ZNF592: variants seen among roughly 807,000 people sequenced by gnomAD.
ZNF592 encodes zinc finger protein 592.
In ZNF592, 11 loss-of-function variants were observed where a neutral mutation model predicts 80.3. The ratio of observed to expected loss-of-function variants is 0.14; its 90% CI spans 0.09 to 0.23. The LOEUF (loss-of-function observed/expected upper bound fraction) is 0.23. ZNF592 is among the 10% of genes least tolerant of loss of function. The pLI is 1.00. For synonymous variants in ZNF592, 646 were observed against 640.3 expected, an observed-to-expected ratio of 1.01 and a Z score of -0.13; for missense variants, 1,420 against 1,633.9, an observed-to-expected ratio of 0.87 and a Z score of 2.26.
At chr15:84,781,477 T>A (rs138841695) in intron 3 of ZNF592, among the ~76,000 whole-genome samples, 1 of 152,118 alleles carries the variant, frequency 6.6e-6, no homozygotes, top group Non-Finnish European at 1.5e-5. Flanking sequence ...CTGTAACATA[T>A]ACTTTTGCAT....
At chr15:84,772,442 C>T (rs536032119) in intron 2 of ZNF592, among the ~76,000 whole-genome samples, 11 of 152,124 alleles carry the variant, frequency 7.2e-5, no homozygotes, top group Admixed American at 3.9e-4. Context: ...CCCAGCTACT[C>T]AGGAGCCTGA....
chr15:84,761,636 G>A (rs1294606339), intron 1 of ZNF592, among the ~76,000 whole-genome samples: 1 of 152,192 alleles, frequency 6.6e-6, no homozygotes, highest in East Asian at 1.9e-4. Flanking sequence ...GGGTCTGGGG[G>A]TAAGCAGGCA....
intron 5 of ZNF592, among the ~76,000 whole-genome samples, chr15:84,794,367 C>T (rs1382303604): frequency 6.6e-6 from 1 of 152,196 alleles, no homozygotes; most frequent in Non-Finnish European, 1.5e-5. Flanking sequence ...TTTCTGTACA[C>T]CCTTGCCAAC....
chr15:84,763,639 A>G (rs183136540), intron 1 of ZNF592, among the ~76,000 whole-genome samples: 67 of 152,336 alleles, frequency 4.4e-4, no homozygotes, highest in African/African-American at 1.4e-3. Context: ...TAGAATTGAG[A>G]TAATTAGTTT....
chr15:84,790,364 T>G (rs1250776204), intron 4 of ZNF592, among the ~76,000 whole-genome samples: 2 of 151,824 alleles, frequency 1.3e-5, no homozygotes, highest in African/African-American at 2.4e-5. Context: ...TGCAGTGAGG[T>G]CTTAGAATTC....
At chr15:84,789,073 A>G (rs762236139) in intron 4 of ZNF592, among the ~76,000 whole-genome samples, 4 of 151,478 alleles carry the variant, frequency 2.6e-5, no homozygotes, top group Non-Finnish European at 1.5e-5. Flanking sequence ...CAAAAAAAAC[A>G]AAACAGAAAA....
At position 84,802,488 on chromosome 15, in the gene ZNF592, G is replaced by A. The variant is rs1688083140; in HGVS notation, c.*95G>A. 6.9e-7 allele frequency: 1 copy of A among 1,447,658 alleles called. No individual in the cohort carries two copies. Among genetic ancestry groups the A allele is most frequent in the Admixed American group, 1.9e-5 (1 of 51,558 alleles). 89.7% of individuals were successfully genotyped at this position (1,447,658 alleles called of 1,614,324 possible). A position where few individuals can be genotyped will look rare whatever the true frequency, so the allele number is the denominator to read the frequency against. ...GAAAATAAAAGGCTCTGCCCCCAGT[G>A]TGAGTGTGACCGGTTGTACCCTGGA... On this transcript the variant is annotated 3_prime_UTR_variant, in exon 11 of 11. Transcript: ENST00000560079.
intron 1 of ZNF592, among the ~76,000 whole-genome samples, chr15:84,758,717 G>C (rs550542311): frequency 6.8e-6 from 1 of 147,862 alleles, no homozygotes; most frequent in Admixed American, 6.9e-5. Context: ...TTTGAGACTA[G>C]CCTAGGTAAC....
Position 84,802,205 on chromosome 15 carries a change from G to A in ZNF592, c.3616G>A (p.Gly1206Arg), listed in dbSNP as rs746432732. The A allele has an allele frequency of 1.6e-5, 25 of 1,600,128 alleles. No individual in the cohort carries two copies. The Admixed American group carries it at 1.9e-4, about 12-fold the overall frequency. The change falls in exon 11 of 11, where the codon GGG becomes AGG. Residue 1206 changes from glycine to arginine, a missense_variant. Coordinates refer to ENST00000560079, the MANE Select transcript of ZNF592 (RefSeq NM_014630.3). ...GGTGGCAGAGCCAGAGGAGGGCTCC[G>A]GGGAGGAGGTGCCCATGGAGACTAG... ...VEVAEPEEGS[G>R]EEVPMETREN...
intron 1 of ZNF592, among the ~76,000 whole-genome samples, chr15:84,755,824 G>T (rs1052850688): frequency 1.3e-5 from 2 of 152,222 alleles, no homozygotes; most frequent in East Asian, 3.9e-4. Flanking sequence ...TCACTCTCAG[G>T]GTAAGATGCT....
intron 1 of ZNF592, among the ~76,000 whole-genome samples, chr15:84,749,151 C>T (rs1434604762): frequency 1.3e-5 from 2 of 152,388 alleles, no homozygotes; most frequent in Non-Finnish European, 2.9e-5. Flanking sequence ...TACTCCCCTC[C>T]CCTGAGCCCA....
intron 4 of ZNF592, among the ~76,000 whole-genome samples, chr15:84,790,151 G>C (rs1256513118): frequency 6.9e-6 from 1 of 144,312 alleles, no homozygotes; most frequent in Non-Finnish European, 1.5e-5. Flanking sequence ...CAGGGCTAGA[G>C]CAATGGAAAC....
In ZNF592 at chr15:84,784,110, A is replaced by G. The variant is rs753367207; in HGVS notation, c.1435A>G (p.Thr479Ala). The change falls in exon 4 of 11, where the codon ACA becomes GCA. Residue 479 changes from threonine to alanine, a missense_variant. Physicochemically the swap from Thr to Ala is moderately conservative, Grantham distance 58. Transcript: ENST00000560079. The surrounding 1 kb of genome is among the most constrained non-coding windows in gnomAD (Gnocchi z 5.8). ...VPKGAAPGSQ[T>A]GKKQQSTALQ... The stretch of plus-strand genomic sequence containing the variant: ...AAAGGGGGCTGCCCCAGGCTCACAG[A>G]CAGGCAAGAAGCAACAGAGCACAGC... 6 of 1,614,160 alleles carry G rather than the reference A, an allele frequency of 3.7e-6. No individual in the cohort carries two copies. The South Asian group carries it at 6.6e-5, about 18-fold the overall frequency.
intron 2 of ZNF592, among the ~76,000 whole-genome samples, chr15:84,777,925 C>T (rs984588883): frequency 7.9e-5 from 12 of 151,982 alleles, no homozygotes; most frequent in African/African-American, 2.4e-4. Flanking sequence ...GTCTCCAACT[C>T]GTGACCTGGT....
Position 84,801,905 on chromosome 15 carries a change from C to G in ZNF592, c.3316C>G (p.Pro1106Ala). 2.5e-6 allele frequency: 4 copies of G among 1,613,886 alleles called. No individual in the cohort carries two copies. Among genetic ancestry groups the G allele is most frequent in the Non-Finnish European group, 3.4e-6 (4 of 1,179,852 alleles). The change falls in exon 11 of 11, where the codon CCA (proline) becomes GCA (alanine). Residue 1106 changes from proline to alanine, a missense_variant. Transcript: ENST00000560079. ...ACCAGTCAGTGGAGTGGGGGACGCT[C>G]CAGGCACCAGCAATGGCGCAACTGT... ...KRPVSGVGDA[P>A]GTSNGATVSS...
At chr15:84,796,265 T>TATATATATA (rs1396711040) in intron 5 of ZNF592, among the ~76,000 whole-genome samples, 27 of 43,636 alleles carry the variant, frequency 6.2e-4, no homozygotes, top group South Asian at 1.3e-3. Context: ...TATATATATA[T>TATATATATA]TTTATATATA....
chr15:84,791,549 A>C (rs1371250514), intron 5 of ZNF592, among the ~76,000 whole-genome samples: 1 of 152,030 alleles, frequency 6.6e-6, no homozygotes, highest in East Asian at 1.9e-4. Context: ...TTTGGCATTA[A>C]ATTTTTTTTT....
chr15:84,761,640 G>T (rs1482147145), intron 1 of ZNF592, among the ~76,000 whole-genome samples: 3 of 152,328 alleles, frequency 2.0e-5, no homozygotes, highest in African/African-American at 7.2e-5. Flanking sequence ...CTGGGGGTAA[G>T]CAGGCAATAG....
In ZNF592 at chr15:84,764,595, G is replaced by A. The variant is rs996810966; in HGVS notation, c.-258-112G>A. 1.6e-4 allele frequency: 63 copies of A among 390,656 alleles called. No individual in the cohort carries two copies. The East Asian group carries it at 2.3e-3, about 14-fold the overall frequency. 24.2% of individuals were successfully genotyped at this position (390,656 alleles called of 1,614,324 possible). A position where few individuals can be genotyped will look rare whatever the true frequency, so the allele number is the denominator to read the frequency against. ...TTTACATTTGGGGATTTTTCTCAGG[G>A]TCTTACTTACACTTGGATTATTATT... On this transcript the variant is annotated intron_variant, in intron 1 of 10. Coordinates refer to ENST00000560079, the MANE Select transcript of ZNF592 (RefSeq NM_014630.3).
Sources: gnomAD v4.1 joint callset for allele counts (sites outside exome capture counted in the v4.1 genomes callset) on GRCh38, gnomAD v4.1.1 for gene constraint, Gnocchi (gnomAD v3.1) non-coding constraint, MANE v1.5 for transcripts, NCBI Gene and HGNC (gene_info 2026-07-23, HGNC 2026-07-21) for gene names.